HDHD2: variants seen among roughly 807,000 people sequenced by gnomAD.
HDHD2 encodes haloacid dehalogenase-like hydrolase domain-containing protein 2.
HDHD2 carries 26 observed loss-of-function variants against 24.8 expected under a neutral mutation model. That is an observed-to-expected ratio of 1.05 (90% CI 0.77 to 1.45). The LOEUF is 1.45. HDHD2 is among the 40% of genes most tolerant of loss of function. The pLI, the probability that HDHD2 is intolerant of heterozygous loss-of-function variation, is 0.00. For missense variants in HDHD2, 299 were observed against 313.4 expected (o/e 0.95, Z 0.35); for synonymous variants, 128 against 114.9 (o/e 1.11, Z -0.73).
chr18:47,148,268 G>C (rs911041034), intron 1 of HDHD2, among the ~76,000 whole-genome samples: 7 of 152,124 alleles, frequency 4.6e-5, no homozygotes, highest in Non-Finnish European at 8.8e-5. Context: ...TGGGATTACA[G>C]GTATGAGCCA....
intron 3 of HDHD2, among the ~76,000 whole-genome samples, chr18:47,130,790 G>A (rs1291778352): frequency 6.6e-6 from 1 of 152,096 alleles, no homozygotes; most frequent in African/African-American, 2.4e-5. Flanking sequence ...CACAACTGAG[G>A]TTAACACATT....
chr18:47,144,706 G>A (rs1479626966), intron 1 of HDHD2, among the ~76,000 whole-genome samples: 1 of 151,426 alleles, frequency 6.6e-6, no homozygotes, highest in African/African-American at 2.4e-5. Context: ...GGCTAAGGTG[G>A]GAGGGACTGC....
At chr18:47,118,280 A>G (rs1277134610) in intron 4 of HDHD2, among the ~76,000 whole-genome samples, 22 of 152,202 alleles carry the variant, frequency 1.4e-4, no homozygotes, top group Non-Finnish European at 2.9e-5. Context: ...AGATCATTCT[A>G]TTATAAAGAT....
At chr18:47,114,044 A>C (rs1199175678) in intron 5 of HDHD2, among the ~76,000 whole-genome samples, 1 of 152,052 alleles carries the variant, frequency 6.6e-6, no homozygotes, top group Non-Finnish European at 1.5e-5. Context: ...AGGGCCAGCA[A>C]CTCCTGGGAT....
chr18:47,111,403 T>C, intron 6 of HDHD2: 1 of 848,462 alleles, frequency 1.2e-6, no homozygotes, highest in Non-Finnish European at 1.4e-6. Context: ...AAGAAAGAAA[T>C]ACTCATGGGA....
intron 4 of HDHD2, among the ~76,000 whole-genome samples, chr18:47,126,997 T>C (rs2063665203): frequency 6.6e-6 from 1 of 152,052 alleles, no homozygotes; most frequent in African/African-American, 2.4e-5. Context: ...CCGTCTCTAC[T>C]AAAAATACAA....
chr18:47,112,871 G>C lies in HDHD2; in HGVS notation c.676+106C>G, dbSNP rs924000458. 7.8e-6 allele frequency: 7 copies of C among 896,538 alleles called. No homozygotes were observed. The Admixed American group carries it at 1.4e-4, about 19-fold the overall frequency. 55.5% of individuals were successfully genotyped at this position (896,538 alleles called of 1,614,324 possible). A position where few individuals can be genotyped will look rare whatever the true frequency, so the allele number is the denominator to read the frequency against. On this transcript the variant is annotated intron_variant, in intron 6 of 6. Transcript: ENST00000300605. ...TTATTTTTGCTTTGTGGCAGGAAGA[G>C]AATAAAAGTGCCCAGGGCTCTGCCA...
intron 4 of HDHD2, among the ~76,000 whole-genome samples, chr18:47,124,524 C>T (rs544973171): frequency 5.9e-5 from 9 of 151,556 alleles, no homozygotes; most frequent in South Asian, 2.1e-4. Context: ...CTGACCAACA[C>T]GGAGAAACCC....
In HDHD2 at chr18:47,134,567, C is replaced by A. The variant is rs897419260; in HGVS notation, c.239G>T (p.Arg80Ile). 4 of 1,614,072 alleles carry A rather than the reference C, an allele frequency of 2.5e-6. No homozygotes were observed. Among genetic ancestry groups the A allele is most frequent in the African/African-American group, 2.7e-5 (2 of 74,940 alleles). ...GACTTGTTTCCGCTCTAGTAAACTTCTGGCTGCAGTCAGAGATGTGAATAT... is the reference window on the plus strand; with the variant it reads ...GACTTGTTTCCGCTCTAGTAAACTTATGGCTGCAGTCAGAGATGTGAATAT... Reference protein sequence around the residue: ...DEIFTSLTAARSLLERKQVRP... With the variant: ...DEIFTSLTAAISLLERKQVRP... Residue 80 changes from arginine to isoleucine, a missense_variant, in exon 3 of 7, where the codon AGA becomes ATA. Coordinates refer to ENST00000300605, the MANE Select transcript of HDHD2 (RefSeq NM_032124.5).
chr18:47,129,716 T>C (rs1404259470), intron 4 of HDHD2, among the ~76,000 whole-genome samples: 1 of 152,170 alleles, frequency 6.6e-6, no homozygotes, highest in Non-Finnish European at 1.5e-5. Context: ...TGGATCAGCC[T>C]GGATACTGTT....
intron 2 of HDHD2, among the ~76,000 whole-genome samples, chr18:47,135,392 G>C (rs1209122624): frequency 6.6e-6 from 1 of 151,522 alleles, no homozygotes; most frequent in Non-Finnish European, 1.5e-5. Flanking sequence ...CTCCCTAGTA[G>C]CTGGGATTAT....
Position 47,119,131 on chromosome 18 carries a change from C to G in HDHD2, c.396-3783G>C, listed in dbSNP as rs185019915. ...TCATAATCTTTTTGTGGGCAGAAGG[C>G]CTTGCCTCGATGTTGATGGCTGCTG... On this transcript the variant is annotated intron_variant, in intron 4 of 6. Coordinates refer to ENST00000300605, the MANE Select transcript of HDHD2 (RefSeq NM_032124.5). 1.5e-3 allele frequency among the ~76,000 whole-genome samples: 232 copies of G among 152,304 alleles called. 2 individuals carry two copies. Among genetic ancestry groups the G allele is most frequent in the African/African-American group, 5.4e-3 (224 of 41,566 alleles).
intron 1 of HDHD2, among the ~76,000 whole-genome samples, chr18:47,141,320 C>G (rs552556247): frequency 1.3e-5 from 2 of 152,110 alleles, no homozygotes; most frequent in Non-Finnish European, 2.9e-5. Context: ...TTACTTACTG[C>G]TAGATTCAAA....
At chr18:47,112,184 T>C (rs1019884767) in intron 6 of HDHD2, among the ~76,000 whole-genome samples, 14 of 152,228 alleles carry the variant, frequency 9.2e-5, no homozygotes, top group African/African-American at 3.1e-4. Context: ...ACAGATCTTA[T>C]GCCTGTTCTT....
intron 6 of HDHD2, chr18:47,110,089 T>C: frequency 1.0e-6 from 1 of 985,452 alleles, no homozygotes; most frequent in African/African-American, 1.7e-5. Context: ...TGTTGATTCT[T>C]CTGCTTTTCC....
chr18:47,122,736 G>GA (rs1329440717), intron 4 of HDHD2, among the ~76,000 whole-genome samples: 1 of 151,710 alleles, frequency 6.6e-6, no homozygotes, highest in Admixed American at 6.6e-5. Context: ...ATTAATTACT[G>GA]AAAAAAATGT....
intron 4 of HDHD2, among the ~76,000 whole-genome samples, chr18:47,118,435 G>A (rs2063574877): frequency 6.6e-6 from 1 of 152,124 alleles, no homozygotes; most frequent in Non-Finnish European, 1.5e-5. Context: ...AAGGAATTAG[G>A]TCATGCCCTT....
intron 6 of HDHD2, chr18:47,111,345 GTAAATCCT>G: frequency 2.3e-5 from 22 of 965,670 alleles, no homozygotes; most frequent in Non-Finnish European, 2.7e-5. Flanking sequence ...GAAGCTCAGT[GTAAATCCT>G]TAATTACATG....
In HDHD2 at chr18:47,110,740, A is replaced by G. The variant is rs2063509469; in HGVS notation, c.677-1955T>C. On this transcript the variant is annotated intron_variant, in intron 6 of 6. Coordinates refer to ENST00000300605, the MANE Select transcript of HDHD2 (RefSeq NM_032124.5). ...GCAGCCTGTGCTTTCATGGATGGAT[A>G]AATGATGAATGGAGGGAGAAAACAG... 3 of 985,280 alleles carry G rather than the reference A, an allele frequency of 3.0e-6. No homozygotes were observed. The African/African-American group carries it at 5.2e-5, about 17-fold the overall frequency. The allele number at this position is 985,280 out of a possible 1,614,324, so 61.0% of individuals were successfully genotyped here. A position where few individuals can be genotyped will look rare whatever the true frequency, so the allele number is the denominator to read the frequency against.
Sources: gnomAD v4.1 joint callset for allele counts (sites outside exome capture counted in the v4.1 genomes callset) on GRCh38, gnomAD v4.1.1 for gene constraint, MANE v1.5 for transcripts, NCBI Gene and HGNC (gene_info 2026-07-23, HGNC 2026-07-21) for gene names.